RAB8B: variants seen among roughly 807,000 people sequenced by gnomAD.
RAB8B encodes the protein ras-related protein Rab-8B.
In RAB8B, 11 loss-of-function variants were observed where a neutral mutation model predicts 32.0. The observed-to-expected ratio is 0.34, with a 90% CI of 0.22 to 0.57. The LOEUF (loss-of-function observed/expected upper bound fraction) is 0.57. Among genes scored for constraint, RAB8B ranks in the 20% least tolerant of loss-of-function variants. The pLI, the probability that RAB8B is intolerant of heterozygous loss-of-function variation, is 0.86. For synonymous variants in RAB8B, 103 were observed against 89.6 expected (o/e 1.15, Z -0.85); for missense variants, 190 against 258.5 (o/e 0.73, Z 1.82).
chr15:63,202,911 C>A (rs76366425), intron 1 of RAB8B, among the ~76,000 whole-genome samples: 114 of 152,346 alleles, frequency 7.5e-4, no homozygotes, highest in African/African-American at 2.5e-3. Flanking sequence ...TTTTATATAA[C>A]GAAGTCCACT....
intron 1 of RAB8B, among the ~76,000 whole-genome samples, chr15:63,217,572 T>C (rs2037803900): frequency 2.0e-5 from 3 of 152,208 alleles, no homozygotes; most frequent in Admixed American, 1.3e-4. Context: ...ACTAATTATT[T>C]TGAATACCTC....
rs556713449 is a variant in RAB8B, at chr15:63,197,579, G to T, written c.124+7831G>T. Among the ~76,000 whole-genome samples the T allele has an allele frequency of 9.2e-4, 140 of 151,940 alleles. 2 individuals carry two copies. The South Asian group carries it at 0.027, about 30-fold the overall frequency. On this transcript the variant is annotated intron_variant, in intron 1 of 7. Coordinates refer to ENST00000321437, the MANE Select transcript of RAB8B (RefSeq NM_016530.3). ...TACAGAGAGAAGGTTTCGCTGTGTT[G>T]TCCAGGCTGGTCTCAAACTCCTGAG... is the stretch of plus-strand genomic sequence containing the variant.
intron 1 of RAB8B, among the ~76,000 whole-genome samples, chr15:63,225,551 C>T (rs1219566628): frequency 6.6e-6 from 1 of 152,174 alleles, no homozygotes; most frequent in Non-Finnish European, 1.5e-5. Context: ...ACTTTCATAT[C>T]TTAGGAAATC....
chr15:63,213,160 A>G (rs1038534839), intron 1 of RAB8B, among the ~76,000 whole-genome samples: 8 of 152,000 alleles, frequency 5.3e-5, no homozygotes, highest in African/African-American at 1.7e-4. Flanking sequence ...ACACAGATTA[A>G]TTTTCATTTT....
At chr15:63,231,761 A>G (rs1001872801) in intron 1 of RAB8B, among the ~76,000 whole-genome samples, 4 of 152,230 alleles carry the variant, frequency 2.6e-5, no homozygotes, top group Non-Finnish European at 4.4e-5. Flanking sequence ...GGGGAAAGAA[A>G]TGGAAGCTCA....
At chr15:63,193,743 C>T (rs1421002405) in intron 1 of RAB8B, among the ~76,000 whole-genome samples, 1 of 151,728 alleles carries the variant, frequency 6.6e-6, no homozygotes, top group Non-Finnish European at 1.5e-5. Flanking sequence ...CCTGGGAGGC[C>T]GAGCTTGCAG....
chr15:63,251,140 A>C (rs946532649), intron 3 of RAB8B: 2 of 392,166 alleles, frequency 5.1e-6, no homozygotes, highest in African/African-American at 2.1e-5. Flanking sequence ...CCACCCTATA[A>C]TACTTTTAAG....
In RAB8B at chr15:63,189,761, C is replaced by T; in HGVS notation, c.124+13C>T. 1.2e-6 allele frequency: 2 copies of T among 1,603,928 alleles called. No individual in the cohort carries two copies. Among genetic ancestry groups the T allele is most frequent in the Non-Finnish European group, 1.7e-6 (2 of 1,175,610 alleles). ...ATCTCCACCATCGGTGAGGGAGGGGCCGCGGCCCGGGACCGGGTAGAGAAT... is the reference window on the plus strand; with the variant it reads ...ATCTCCACCATCGGTGAGGGAGGGGTCGCGGCCCGGGACCGGGTAGAGAAT... On this transcript the variant is annotated intron_variant, in intron 1 of 7. Coordinates refer to ENST00000321437, the MANE Select transcript of RAB8B (RefSeq NM_016530.3).
chr15:63,263,000 C>G (rs979797754), intron 7 of RAB8B, among the ~76,000 whole-genome samples: 11 of 152,110 alleles, frequency 7.2e-5, no homozygotes, highest in African/African-American at 2.7e-4. Context: ...AATAATGGCA[C>G]AAATTCGATT....
chr15:63,244,919 A>G (rs939912755), intron 2 of RAB8B, 103 bp downstream of exon 2: 6 of 980,114 alleles, frequency 6.1e-6, no homozygotes, highest in Non-Finnish European at 7.7e-6. Context: ...TAGCTAAAAC[A>G]TCTTTTCTTT....
chr15:63,238,449 TTTTC>T (rs1014761614), intron 1 of RAB8B, among the ~76,000 whole-genome samples: 14 of 152,036 alleles, frequency 9.2e-5, no homozygotes, highest in Non-Finnish European at 5.9e-5. Flanking sequence ...ATTGTCCCCT[TTTTC>T]TTTCTTATTT....
intron 3 of RAB8B, 35 bp from the exon 4 acceptor site, chr15:63,255,472 A>G (rs764511239): frequency 6.5e-6 from 9 of 1,386,462 alleles, no homozygotes; most frequent in South Asian, 2.5e-5. Flanking sequence ...TTAAATATAT[A>G]AAGTACTAAA....
At chr15:63,236,126 C>G (rs1478377861) in intron 1 of RAB8B, among the ~76,000 whole-genome samples, 1 of 152,166 alleles carries the variant, frequency 6.6e-6, no homozygotes, top group Non-Finnish European at 1.5e-5. Flanking sequence ...TAAATGATCT[C>G]TAAAGTACTT....
At chr15:63,262,966 A>AATTTTGAT (rs1567022614) in intron 7 of RAB8B, among the ~76,000 whole-genome samples, 1 of 152,032 alleles carries the variant, frequency 6.6e-6, no homozygotes, top group Non-Finnish European at 1.5e-5. Flanking sequence ...TCTTTAATTG[A>AATTTTGAT]ATTTTGATGA....
intron 3 of RAB8B, among the ~76,000 whole-genome samples, chr15:63,252,128 A>G (rs1251183413): frequency 4.6e-5 from 7 of 151,794 alleles, no homozygotes; most frequent in African/African-American, 1.7e-4. Context: ...TATATACTAG[A>G]TACATAAAGT....
intron 1 of RAB8B, among the ~76,000 whole-genome samples, chr15:63,229,357 G>T (rs189591176): frequency 6.6e-6 from 1 of 152,178 alleles, no homozygotes; most frequent in Non-Finnish European, 1.5e-5. Context: ...TGAGTCTTCG[G>T]TATCTTATGT....
At chr15:63,190,039 G>A (rs2037541323) in intron 1 of RAB8B, among the ~76,000 whole-genome samples, 1 of 151,672 alleles carries the variant, frequency 6.6e-6, no homozygotes, top group African/African-American at 2.4e-5. Context: ...AGGGTTCGGA[G>A]ACTGACAGGG....
At chr15:63,231,442 TG>T (rs1201328381) in intron 1 of RAB8B, among the ~76,000 whole-genome samples, 4 of 152,104 alleles carry the variant, frequency 2.6e-5, no homozygotes, top group African/African-American at 9.7e-5. Context: ...TTTGGCAATA[TG>T]GTCTTCCCAT....
At chr15:63,249,568 A>G in intron 2 of RAB8B, 77 bp from the exon 3 acceptor site, 3 of 1,362,136 alleles carry the variant, frequency 2.2e-6, no homozygotes, top group Non-Finnish European at 2.1e-6. Context: ...CTAGAATTAC[A>G]TCTCCTACAG....
Sources: allele counts gnomAD v4.1 joint callset (sites outside exome capture counted in the v4.1 genomes callset), GRCh38; gene constraint gnomAD v4.1.1; transcripts MANE v1.5; gene names NCBI Gene and HGNC (gene_info 2026-07-23, HGNC 2026-07-21).